The following C10orf67 variants were observed in gnomAD, a reference collection of about 807,000 sequenced individuals.
The protein encoded by C10orf67 is chromosome 10 open reading frame 67.
In C10orf67, 60 loss-of-function variants were observed where a neutral mutation model predicts 35.6. That is an observed-to-expected ratio of 1.68 (90% CI 1.37 to 2.09). C10orf67 has a LOEUF of 2.09. Among genes scored for constraint, C10orf67 ranks in the 30% most tolerant of loss-of-function variants. The pLI, the probability that C10orf67 is intolerant of heterozygous loss-of-function variation, is 0.00. For missense variants in C10orf67, 474 were observed against 330.2 expected (o/e 1.44, Z -3.38); for synonymous variants, 167 against 115.8 (o/e 1.44, Z -2.84).
At chr10:23,307,031 C>T (rs1407376468) in intron 4 of C10orf67, among the ~76,000 whole-genome samples, 1 of 152,072 alleles carries the variant, frequency 6.6e-6, no homozygotes, top group African/African-American at 2.4e-5. Context: ...AACTAATTGC[C>T]TCAATAGACT....
chr10:23,211,768 A>G (rs1331281701), intron 15 of C10orf67, among the ~76,000 whole-genome samples: 1 of 152,208 alleles, frequency 6.6e-6, no homozygotes, highest in East Asian at 1.9e-4. Flanking sequence ...ACTGATTTGA[A>G]CACATAGGAT....
At chr10:23,250,773 A>G (rs553330876) in intron 10 of C10orf67, 82 bp from the exon 11 acceptor site, 267 of 397,136 alleles carry the variant, frequency 6.7e-4, no homozygotes, top group Non-Finnish European at 9.2e-4. Context: ...GACTATTTCT[A>G]TAAATAGTAT....
intron 7 of C10orf67, among the ~76,000 whole-genome samples, chr10:23,289,040 G>T (rs887914488): frequency 6.6e-6 from 1 of 152,178 alleles, no homozygotes; most frequent in Non-Finnish European, 1.5e-5. Context: ...CAATAGGGAA[G>T]TTTGCGGATA....
intron 5 of C10orf67, among the ~76,000 whole-genome samples, chr10:23,293,150 C>T (rs915936769): frequency 1.3e-5 from 2 of 152,170 alleles, no homozygotes; most frequent in African/African-American, 4.8e-5. Context: ...TATTTGAATT[C>T]ATCAGATGAA....
chr10:23,262,420 C>T (rs1185635933), intron 10 of C10orf67, among the ~76,000 whole-genome samples: 2 of 152,150 alleles, frequency 1.3e-5, no homozygotes, highest in Admixed American at 6.5e-5. Flanking sequence ...GATGACATTT[C>T]TGCTACCACC....
At position 23,344,791 on chromosome 10, in the gene C10orf67, G is replaced by A. The variant is rs780875929; in HGVS notation, c.-17C>T. 3.9e-6 allele frequency: 6 copies of A among 1,548,466 alleles called. No homozygotes were observed. The highest frequency in any genetic ancestry group is 1.7e-4 in the Middle Eastern group (1 of 5,814). ...CAAGGCCATCATAAGAGGAGAGCAG[G>A]CTGCCTAATAAGCTGTCTCCACCTG... On this transcript the variant is annotated 5_prime_UTR_variant, in exon 1 of 16. Coordinates refer to ENST00000636213, the MANE Select transcript of C10orf67 (RefSeq NM_001371909.1).
chr10:23,300,074 G>A (rs573781831), intron 5 of C10orf67, among the ~76,000 whole-genome samples: 1 of 152,164 alleles, frequency 6.6e-6, no homozygotes, highest in Non-Finnish European at 1.5e-5. Flanking sequence ...GGGGCTCTGT[G>A]AGGGTGATGG....
rs542324181 is a variant in C10orf67, at chr10:23,224,520, G to T, written c.1435-702C>A. ...CTCCTCGCCAGCAATGGAACAAAGC[G>T]GGACGGAGAATGACTTTGACGAGTT... On this transcript the variant is annotated intron_variant, in intron 13 of 15. Transcript: ENST00000636213. 6.6e-5 allele frequency among the ~76,000 whole-genome samples: 10 copies of T among 152,282 alleles called. 1 individual carries two copies. The highest frequency in any genetic ancestry group is 2.4e-4 in the African/African-American group (10 of 41,558).
At chr10:23,210,304 T>C (rs1311521040) in intron 15 of C10orf67, among the ~76,000 whole-genome samples, 3 of 152,130 alleles carry the variant, frequency 2.0e-5, no homozygotes, top group African/African-American at 7.2e-5. Context: ...GGCATGGGCA[T>C]GTTTATGGAA....
intron 15 of C10orf67, among the ~76,000 whole-genome samples, chr10:23,211,577 T>G (rs895731808): frequency 2.2e-4 from 34 of 152,054 alleles, no homozygotes; most frequent in Non-Finnish European, 4.4e-5. Flanking sequence ...GGAAAAGACT[T>G]TTATGAAGAT....
intron 6 of C10orf67, 88 bp downstream of exon 6, chr10:23,291,044 T>A (rs1447907895): frequency 3.3e-6 from 2 of 611,882 alleles, no homozygotes; most frequent in Non-Finnish European, 5.9e-6. Flanking sequence ...ACCAAACGAA[T>A]GTATGTTTGG....
intron 13 of C10orf67, among the ~76,000 whole-genome samples, chr10:23,229,018 C>G (rs1257960122): frequency 6.6e-6 from 1 of 152,138 alleles, no homozygotes; most frequent in Non-Finnish European, 1.5e-5. Flanking sequence ...TTGTGGAAGA[C>G]AGTGTGGCGA....
At chr10:23,244,957 T>C (rs1379159157) in intron 12 of C10orf67, among the ~76,000 whole-genome samples, 1 of 152,144 alleles carries the variant, frequency 6.6e-6, no homozygotes, top group East Asian at 1.9e-4. Context: ...AGAAACTATG[T>C]TACAAAGCTA....
At chr10:23,273,272 C>T (rs1843082412) in intron 8 of C10orf67, among the ~76,000 whole-genome samples, 1 of 152,208 alleles carries the variant, frequency 6.6e-6, no homozygotes. Flanking sequence ...ACTTCAGACT[C>T]AAAATCTTCA....
chr10:23,314,856 A>G (rs1449277488), intron 4 of C10orf67, among the ~76,000 whole-genome samples: 1 of 152,204 alleles, frequency 6.6e-6, no homozygotes, highest in Non-Finnish European at 1.5e-5. Context: ...AATTACATAC[A>G]ACTCTTTATC....
At chr10:23,204,793 G>T (rs1346810055) in intron 15 of C10orf67, among the ~76,000 whole-genome samples, 2 of 152,140 alleles carry the variant, frequency 1.3e-5, no homozygotes, top group African/African-American at 4.8e-5. Context: ...TAACCTCAAC[G>T]TTGGGCTCTC....
chr10:23,217,433 T>C (rs944680708), intron 15 of C10orf67, among the ~76,000 whole-genome samples: 7 of 152,190 alleles, frequency 4.6e-5, no homozygotes, highest in African/African-American at 1.7e-4. Context: ...CTGTAACATT[T>C]TGCCAGCAGA....
At chr10:23,323,077 A>T (rs995462891) in intron 2 of C10orf67, among the ~76,000 whole-genome samples, 7 of 152,322 alleles carry the variant, frequency 4.6e-5, no homozygotes, top group Admixed American at 3.9e-4. Context: ...CTAAGATATG[A>T]TGATGGACTA....
In C10orf67 at chr10:23,303,302, A is replaced by G; in HGVS notation, c.702+2T>C. On this transcript the variant is annotated splice_donor_variant, in intron 5 of 15. Transcript: ENST00000636213. LOFTEE classifies it high-confidence loss of function. ...TTAATTATTCCTTGCCTTGAAACTT[A>G]CCATTTTGTGAAATCCAAAATCTTT... is the stretch of plus-strand genomic sequence containing the variant. 1.8e-6 allele frequency: 1 copy of G among 545,542 alleles called. No homozygotes were observed. The highest frequency in any genetic ancestry group is 2.9e-5 in the South Asian group (1 of 34,390). 33.8% of individuals were successfully genotyped at this position (545,542 alleles called of 1,614,324 possible). A position where few individuals can be genotyped will look rare whatever the true frequency, so the allele number is the denominator to read the frequency against.
Sources: gnomAD v4.1 joint callset for allele counts (sites outside exome capture counted in the v4.1 genomes callset) on GRCh38, gnomAD v4.1.1 for gene constraint, MANE v1.5 for transcripts, NCBI Gene and HGNC (gene_info 2026-07-23, HGNC 2026-07-21) for gene names.